Variants in STK3 observed in about 807,000 individuals in gnomAD.
The protein encoded by STK3 is serine/threonine kinase 3, also known as serine/threonine-protein kinase 3.
A neutral mutation model predicts 58.0 loss-of-function variants in STK3; 41 were observed. That is an observed-to-expected ratio of 0.71 (90% CI 0.55 to 0.92). The LOEUF is 0.92. Among genes scored for constraint, STK3 ranks in the 40% least tolerant of loss-of-function variants. The pLI is 0.00. For missense variants in STK3, 479 were observed against 602.7 expected, an observed-to-expected ratio of 0.79 and a Z score of 2.15; for synonymous variants, 170 against 191.0, an observed-to-expected ratio of 0.89 and a Z score of 0.91.
chr8:98,711,496 T>C (rs1826436323), intron 4 of STK3, among the ~76,000 whole-genome samples: 1 of 152,128 alleles, frequency 6.6e-6, no homozygotes, highest in Non-Finnish European at 1.5e-5. Flanking sequence ...TGCACAAGCC[T>C]CAGTAGCCGA....
chr8:98,710,521 C>A (rs1348538950), intron 4 of STK3, among the ~76,000 whole-genome samples: 3 of 152,222 alleles, frequency 2.0e-5, no homozygotes, highest in Non-Finnish European at 1.5e-5. Flanking sequence ...GAGGGTCCTA[C>A]ACCCATGGAG....
rs181461559 is a variant in STK3, at chr8:98,701,447, G to A, written c.684+5020C>T. On this transcript the variant is annotated intron_variant, in intron 6 of 10. Coordinates refer to ENST00000419617, the MANE Select transcript of STK3 (RefSeq NM_006281.4). ...AGTCTGGCCAACATGGTGAAACCCC[G>A]TCACTACTAAAAATACAAAAAATTA... 1.1e-4 allele frequency among the ~76,000 whole-genome samples: 16 copies of A among 151,858 alleles called. No individual in the cohort carries two copies. The East Asian group carries it at 1.6e-3, about 15-fold the overall frequency.
chr8:98,451,806 G>T (rs1819211426), downstream of STK3, among the ~76,000 whole-genome samples: 1 of 151,652 alleles, frequency 6.6e-6, no homozygotes, highest in African/African-American at 2.4e-5. Flanking sequence ...AAACTTCCTT[G>T]GGTCCAGGTC....
intron 8 of STK3, among the ~76,000 whole-genome samples, chr8:98,577,088 T>A (rs749468634): frequency 5.9e-5 from 9 of 152,194 alleles, no homozygotes; most frequent in Non-Finnish European, 1.2e-4. Context: ...TCTATCAGAT[T>A]CCAGAGTTAT....
chr8:98,578,230 C>T (rs368994583), intron 8 of STK3, among the ~76,000 whole-genome samples: 1 of 152,186 alleles, frequency 6.6e-6, no homozygotes, highest in Non-Finnish European at 1.5e-5. Flanking sequence ...ATGAAACCCC[C>T]TGAGAGCAAG....
At chr8:98,561,896 TAAGC>T (rs747855042) in intron 8 of STK3, among the ~76,000 whole-genome samples, 7 of 151,908 alleles carry the variant, frequency 4.6e-5, no homozygotes, top group African/African-American at 7.3e-5. Flanking sequence ...AAATGGCAAA[TAAGC>T]ATATAAAAAG....
rs557046335 is a variant in STK3, at chr8:98,469,264, G to C, written c.1318-13264C>G. Among the ~76,000 whole-genome samples the C allele has an allele frequency of 1.1e-3, 156 of 147,652 alleles. 1 individual carries two copies. Among genetic ancestry groups the C allele is most frequent in the Middle Eastern group, 3.5e-3 (1 of 284 alleles). The stretch of plus-strand genomic sequence containing the variant: ...AGGCTTTTCTTTGCGGGGGCGGGGG[G>C]GCGGTCTGAGAATGGCGCCAAATTA... On this transcript the variant is annotated intron_variant, in intron 10 of 10. Transcript: ENST00000419617.
At chr8:98,866,208 T>G in intron 3 of STK3, among the ~76,000 whole-genome samples, 1 of 152,258 alleles carries the variant, frequency 6.6e-6, no homozygotes, top group East Asian at 1.9e-4. Flanking sequence ...ATTTGGAATC[T>G]GCAAACTGAG....
chr8:98,630,576 AG>A (rs772487129), intron 6 of STK3, among the ~76,000 whole-genome samples: 1 of 152,050 alleles, frequency 6.6e-6, no homozygotes, highest in African/African-American at 2.4e-5. Context: ...CTGGGAGGTC[AG>A]GGCTACTGTG....
intron 3 of STK3, among the ~76,000 whole-genome samples, chr8:98,409,258 A>T (rs890041963): frequency 6.6e-6 from 1 of 152,174 alleles, no homozygotes; most frequent in Non-Finnish European, 1.5e-5. Context: ...TTCCATACAG[A>T]GATAGAAGAA....
At chr8:98,888,116 C>T (rs560477139) in intron 1 of STK3, among the ~76,000 whole-genome samples, 41 of 152,134 alleles carry the variant, frequency 2.7e-4, no homozygotes, top group Admixed American at 2.4e-3. Flanking sequence ...GTCAGGAGAT[C>T]GAGAACAGCC....
intron 10 of STK3, among the ~76,000 whole-genome samples, chr8:98,470,876 C>T (rs1292029262): frequency 2.0e-5 from 3 of 152,134 alleles, no homozygotes; most frequent in Non-Finnish European, 4.4e-5. Context: ...GTAACAATTT[C>T]GTAAAATCTT....
chr8:98,937,643 T>C (rs1840243655), intron 1 of STK3, among the ~76,000 whole-genome samples: 1 of 152,226 alleles, frequency 6.6e-6, no homozygotes, highest in African/African-American at 2.4e-5. Context: ...ACCTGGTACA[T>C]AGTAGACACT....
chr8:98,633,537 A>G, intron 6 of STK3: 1 of 707,658 alleles, frequency 1.4e-6, no homozygotes, highest in Non-Finnish European at 2.6e-6. Flanking sequence ...CAAGTAACAG[A>G]GAATCAGCCA....
intron 10 of STK3, among the ~76,000 whole-genome samples, chr8:98,473,047 T>A (rs1055638702): frequency 6.6e-6 from 1 of 152,158 alleles, no homozygotes; most frequent in African/African-American, 2.4e-5. Context: ...TCTTTTATAA[T>A]CCCTAAGAGA....
intron 1 of STK3, among the ~76,000 whole-genome samples, chr8:98,387,214 A>G (rs1021399747): frequency 2.0e-5 from 3 of 152,204 alleles, no homozygotes; most frequent in Non-Finnish European, 4.4e-5. Flanking sequence ...CGGTTTTTTC[A>G]GTTACATTGT....
chr8:98,750,850 T>C (rs1829930689), intron 3 of STK3, among the ~76,000 whole-genome samples: 1 of 152,158 alleles, frequency 6.6e-6, no homozygotes, highest in Non-Finnish European at 1.5e-5. Context: ...GCAAAAGTCG[T>C]CAACAAAACA....
At chr8:98,733,736 T>C (rs982089895) in intron 4 of STK3, among the ~76,000 whole-genome samples, 19 of 152,186 alleles carry the variant, frequency 1.2e-4, no homozygotes, top group Admixed American at 1.1e-3. Context: ...TTACCTCATC[T>C]AGTGTGTGAA....
rs1299119024 is a variant in STK3, at chr8:98,900,654, ATTCTTTTT to A, written c.-78-16828_-78-16821del. Among the ~76,000 whole-genome samples, 6 of 149,942 alleles carry A rather than the reference ATTCTTTTT, an allele frequency of 4.0e-5. No homozygotes were observed. In the East Asian group the frequency reaches 1.2e-3, roughly 30 times the overall value. ...TTTTTAAAGATTGTTATAGTTTTAT[ATTCTTTTT>A]TTCTTTTTTTTTTTTCTGAGACAGG... On this transcript the variant is annotated intron_variant, in intron 1 of 1. Coordinates refer to the STK3 transcript ENST00000519420.
Sources: gnomAD v4.1 joint callset for allele counts (sites outside exome capture counted in the v4.1 genomes callset) on GRCh38, gnomAD v4.1.1 for gene constraint, MANE v1.5 for transcripts, NCBI Gene and HGNC (gene_info 2026-07-23, HGNC 2026-07-21) for gene names.